Variants in VAV2 observed in about 807,000 individuals in gnomAD.
VAV2 encodes the protein guanine nucleotide exchange factor VAV2.
Under a neutral mutation model 132.5 loss-of-function variants are expected in VAV2, and 67 were observed. The ratio of observed to expected loss-of-function variants is 0.51; its 90% CI spans 0.42 to 0.62. The LOEUF (loss-of-function observed/expected upper bound fraction) is 0.62, where lower values mean the gene tolerates loss of function less well. Ranked by LOEUF, VAV2 falls within the 20% of genes least tolerant of loss-of-function variation. The pLI is 0.00. For synonymous variants in VAV2, 492 were observed against 443.5 expected (o/e 1.11, Z -1.37); for missense variants, 938 against 1,153.6 (o/e 0.81, Z 2.71).
chr9:133,935,975 G>A lies in VAV2; in HGVS notation c.321+3128C>T, dbSNP rs186977263. On this transcript the variant is annotated intron_variant, in intron 2 of 29. Transcript: ENST00000371850. The surrounding 1 kb of genome is among the most constrained non-coding windows in gnomAD (Gnocchi z 5.2). ...GAGGCAAAGGGCATGGCTCAGATGC[G>A]GAGACCAGAAGCAGCAAGGCCCCAG... is the stretch of plus-strand genomic sequence containing the variant. Among the ~76,000 whole-genome samples, 30 of 152,348 alleles carry A rather than the reference G, an allele frequency of 2.0e-4. No individual in the cohort carries two copies. In the East Asian group the frequency reaches 5.2e-3, roughly 26 times the overall value.
At chr9:133,852,645 C>T (rs1042280151) in intron 3 of VAV2, among the ~76,000 whole-genome samples, 12 of 152,172 alleles carry the variant, frequency 7.9e-5, no homozygotes, top group Non-Finnish European at 2.9e-5. Flanking sequence ...CTGTTCACGC[C>T]CCCCTGCCAG....
chr9:133,844,622 A>T (rs150522453), intron 3 of VAV2, among the ~76,000 whole-genome samples: 5 of 152,216 alleles, frequency 3.3e-5, no homozygotes, highest in Non-Finnish European at 7.3e-5. Flanking sequence ...CACTCCCTGC[A>T]GACACAGGAC....
intron 27 of VAV2, among the ~76,000 whole-genome samples, chr9:133,770,095 G>A (rs1833566076): frequency 6.6e-6 from 1 of 152,208 alleles, no homozygotes; most frequent in Non-Finnish European, 1.5e-5. Flanking sequence ...CATGCGCAGG[G>A]GTCTCTGCCT....
At position 133,784,206 on chromosome 9, in the gene VAV2, C is replaced by A. The variant is rs572474310; in HGVS notation, c.1634+111G>T. On this transcript the variant is annotated intron_variant, in intron 18 of 29. Coordinates refer to ENST00000371850, the MANE Select transcript of VAV2 (RefSeq NM_001134398.2). ...ACTCTTGTGGGGTATACTCCCTTAA[C>A]CCCTCAGGGCCTCCCACAGGGAACA... The A allele has an allele frequency of 3.3e-6, 4 of 1,216,298 alleles. No homozygotes were observed. In the African/African-American group the frequency reaches 5.9e-5, roughly 18 times the overall value. The allele number at this position is 1,216,298 out of a possible 1,614,324, so 75.3% of individuals were successfully genotyped here.
In VAV2 at chr9:133,991,244, C is replaced by T. The variant is rs1564530910; in HGVS notation, c.204+831G>A. 6.6e-6 allele frequency among the ~76,000 whole-genome samples: 1 copy of T among 152,226 alleles called. No individual in the cohort carries two copies. The highest frequency in any genetic ancestry group is 2.4e-5 in the African/African-American group (1 of 41,450). On this transcript the variant is annotated intron_variant, in intron 1 of 29. Transcript: ENST00000371850. The surrounding 1 kb of genome is among the most constrained non-coding windows in gnomAD (Gnocchi z 4.8). Reference sequence around the variant, plus strand: ...TAAGGATTCCGCGACCCCCGGAGAACAGGACGGAAGCCTCGATTCTCTCAA... The same window carrying T: ...TAAGGATTCCGCGACCCCCGGAGAATAGGACGGAAGCCTCGATTCTCTCAA...
chr9:133,780,802 C>T (rs757106010), intron 19 of VAV2, 92 bp from the exon 20 acceptor site: 131 of 1,230,904 alleles, frequency 1.1e-4, no homozygotes, highest in Admixed American at 3.0e-4. Flanking sequence ...GCCTCTGGGC[C>T]GAGCTTAAGA....
chr9:133,823,498 AGTGCCACTGT>A lies in VAV2; in HGVS notation c.449+10764_449+10773del, dbSNP rs1271870312. Among the ~76,000 whole-genome samples, 3 of 152,166 alleles carry A rather than the reference AGTGCCACTGT, an allele frequency of 2.0e-5. No individual in the cohort carries two copies. Among genetic ancestry groups the A allele is most frequent in the Non-Finnish European group, 4.4e-5 (3 of 68,012 alleles). On this transcript the variant is annotated intron_variant, in intron 4 of 29. Transcript: ENST00000371850. This position sits in a 1 kb window ranked among gnomAD's most constrained non-coding sequence, Gnocchi z 5.5. ...GTTCATTTTAGAGCAATATTTCTTA[AGTGCCACTGT>A]GTGTCAGTCAGATCTACGCTGAATA... is the stretch of plus-strand genomic sequence containing the variant.
At chr9:133,838,890 G>C (rs1836596608) in intron 3 of VAV2, among the ~76,000 whole-genome samples, 1 of 140,962 alleles carries the variant, frequency 7.1e-6, no homozygotes, top group East Asian at 2.2e-4. Context: ...TGGGTGGGTG[G>C]GTGGATGGAT....
In VAV2 at chr9:133,763,917, T is replaced by A; in HGVS notation, c.*145A>T. 1.0e-6 allele frequency: 1 copy of A among 984,714 alleles called. No individual in the cohort carries two copies. The highest frequency in any genetic ancestry group is 1.5e-6 in the Non-Finnish European group (1 of 646,296). The allele number at this position is 984,714 out of a possible 1,614,324, so 61.0% of individuals were successfully genotyped here. A position where few individuals can be genotyped will look rare whatever the true frequency, so the allele number is the denominator to read the frequency against. On this transcript the variant is annotated 3_prime_UTR_variant, in exon 30 of 30. Coordinates refer to ENST00000371850, the MANE Select transcript of VAV2 (RefSeq NM_001134398.2). This position sits in a 1 kb window ranked among gnomAD's most constrained non-coding sequence, Gnocchi z 6.8. ...CAGTGAAACGGTTCGAGTTTAGGAT[T>A]CTCAACACCCTCCCTATCCCTGTGG... is the stretch of plus-strand genomic sequence containing the variant.
intron 3 of VAV2, among the ~76,000 whole-genome samples, chr9:133,860,311 A>C (rs1564413052): frequency 6.6e-6 from 1 of 152,092 alleles, no homozygotes; most frequent in Non-Finnish European, 1.5e-5. Context: ...CAAAAAAAAA[A>C]AAAAGTCTAT....
In VAV2 at chr9:133,884,592, A is replaced by C. The variant is rs911232218; in HGVS notation, c.322-23160T>G. On this transcript the variant is annotated intron_variant, in intron 2 of 29. Coordinates refer to ENST00000371850, the MANE Select transcript of VAV2 (RefSeq NM_001134398.2). This position sits in a 1 kb window ranked among gnomAD's most constrained non-coding sequence, Gnocchi z 5.3. ...GGTTCCCAGGCTGTTACTTTATGGA[A>C]CATCAGCAAGCTGACCGCTTGGCAC... is the stretch of plus-strand genomic sequence containing the variant. 6.6e-6 allele frequency among the ~76,000 whole-genome samples: 1 copy of C among 152,200 alleles called. No homozygotes were observed.
intron 2 of VAV2, among the ~76,000 whole-genome samples, chr9:133,915,907 C>G (rs1426629461): frequency 6.6e-6 from 1 of 151,632 alleles, no homozygotes; most frequent in Admixed American, 6.6e-5. Flanking sequence ...ACGATGCACA[C>G]GTGCACACAC....
chr9:133,872,353 C>A (rs540116444), intron 2 of VAV2, among the ~76,000 whole-genome samples: 1 of 152,222 alleles, frequency 6.6e-6, no homozygotes, highest in East Asian at 1.9e-4. Flanking sequence ...TGGGTGACTG[C>A]GAGTCTAACT....
In VAV2 at chr9:133,926,211, C is replaced by G. The variant is rs902493306; in HGVS notation, c.321+12892G>C. On this transcript the variant is annotated intron_variant, in intron 2 of 29. Transcript: ENST00000371850. The surrounding 1 kb of genome is among the most constrained non-coding windows in gnomAD (Gnocchi z 4.3). ...AGGGAGTAGAGCAGTGACCAGTCCACGTACAATGAGAAACAATGGCAGGGC... is the reference window on the plus strand; with the variant it reads ...AGGGAGTAGAGCAGTGACCAGTCCAGGTACAATGAGAAACAATGGCAGGGC... 4 of 152,306 alleles carry G rather than the reference C, an allele frequency of 2.6e-5. No individual in the cohort carries two copies. Among genetic ancestry groups the G allele is most frequent in the Non-Finnish European group, 5.9e-5 (4 of 68,194 alleles). The allele number at this position is 152,306 out of a possible 1,614,324, so 9.4% of individuals were successfully genotyped here.
intron 2 of VAV2, among the ~76,000 whole-genome samples, chr9:133,900,520 C>CTTGT (rs71378598): frequency 0.15 from 22,865 of 152,050 alleles, 1,875 homozygotes; most frequent in South Asian, 0.2. Context: ...CCTGACCTAC[C>CTTGT]TTGTTTGACT....
chr9:133,843,830 G>T (rs559840332), intron 3 of VAV2, among the ~76,000 whole-genome samples: 10 of 152,216 alleles, frequency 6.6e-5, no homozygotes, highest in Non-Finnish European at 1.5e-4. Flanking sequence ...TGAAACCAAA[G>T]TCAGGATGGA....
rs1838567668 is a variant in VAV2, at chr9:133,883,165, C to G, written c.322-21733G>C. Among the ~76,000 whole-genome samples the G allele has an allele frequency of 6.6e-6, 1 of 152,252 alleles. No homozygotes were observed. Among genetic ancestry groups the G allele is most frequent in the African/African-American group, 2.4e-5 (1 of 41,452 alleles). On this transcript the variant is annotated intron_variant, in intron 2 of 29. Transcript: ENST00000371850. This position sits in a 1 kb window ranked among gnomAD's most constrained non-coding sequence, Gnocchi z 4.2. The stretch of plus-strand genomic sequence containing the variant: ...ATGGAAAGTCAAGTCCCTGAGCCTG[C>G]AAAAGACTCGGCTGTCCCCACACAC...
At chr9:133,932,592 G>A (rs915544560) in intron 2 of VAV2, among the ~76,000 whole-genome samples, 9 of 152,174 alleles carry the variant, frequency 5.9e-5, no homozygotes, top group African/African-American at 2.2e-4. Flanking sequence ...TTTTTTCACC[G>A]AGTCCTTTAC....
At chr9:133,861,673 A>G (rs546465374) in intron 2 of VAV2, among the ~76,000 whole-genome samples, 1 of 152,318 alleles carries the variant, frequency 6.6e-6, no homozygotes, top group Non-Finnish European at 1.5e-5. Flanking sequence ...TCCTGTGGCC[A>G]TGCTGCTAAC....
Sources: gnomAD v4.1 joint callset for allele counts (sites outside exome capture counted in the v4.1 genomes callset) on GRCh38, gnomAD v4.1.1 for gene constraint, Gnocchi (gnomAD v3.1) non-coding constraint, MANE v1.5 for transcripts, NCBI Gene and HGNC (gene_info 2026-07-23, HGNC 2026-07-21) for gene names.